The following SMPX variants were observed in gnomAD, a reference collection of about 807,000 sequenced individuals.
SMPX encodes the protein small muscle protein X-linked.
Under a neutral mutation model 6.3 loss-of-function variants are expected in SMPX, and 2 were observed. The ratio of observed to expected loss-of-function variants is 0.32; its 90% CI spans 0.13 to 0.99. The LOEUF (loss-of-function observed/expected upper bound fraction) is 0.99. Ranked by LOEUF, SMPX falls within the 50% of genes least tolerant of loss-of-function variation. The pLI is 0.49. For missense variants in SMPX, 60 were observed against 66.8 expected (o/e 0.90, Z 0.36); for synonymous variants, 32 against 24.7 (o/e 1.30, Z -0.88).
intron 4 of SMPX, among the ~76,000 whole-genome samples, chrX:21,717,043 T>C (rs2092786040): frequency 8.9e-6 from 1 of 111,981 alleles, no homozygotes; most frequent in African/African-American, 3.2e-5. Context: ...GAGTGTACGC[T>C]GTACCTGTTT....
intron 1 of SMPX, among the ~76,000 whole-genome samples, chrX:21,755,206 G>A (rs1484110881): frequency 8.9e-6 from 1 of 112,274 alleles, no homozygotes; most frequent in Admixed American, 9.4e-5. Flanking sequence ...ATGTCAGCAG[G>A]ACCAATTGAA....
chrX:21,707,659 G>C (rs1037108229), intron 4 of SMPX, among the ~76,000 whole-genome samples: 1 of 112,550 alleles, frequency 8.9e-6, no homozygotes, highest in Admixed American at 9.4e-5. Context: ...AGGCAGAAAT[G>C]ATGGTGTACC....
intron 4 of SMPX, chrX:21,733,853 T>C: frequency 3.4e-6 from 1 of 295,491 alleles, no homozygotes; most frequent in East Asian, 1.0e-4. Flanking sequence ...ATCTCTTTGG[T>C]CTCACTAGAC....
Position 21,706,052 on chromosome X carries a change from A to G in SMPX, c.*357T>C, listed in dbSNP as rs1287538301. ...ATAATTTAAAAGGTGAAGAACTAAA[A>G]CGCATTCCAAATATTGACCAAAATA... On this transcript the variant is annotated 3_prime_UTR_variant, in exon 5 of 5. Transcript: ENST00000379494. The G allele has an allele frequency of 9.8e-6, 5 of 509,508 alleles. No individual in the cohort carries two copies. The highest frequency in any genetic ancestry group is 2.3e-5 in the African/African-American group (1 of 43,930). The allele number at this position is 509,508 out of a possible 1,213,427, so 42.0% of individuals were successfully genotyped here.
chrX:21,725,752 G>A (rs2092796227), intron 4 of SMPX, among the ~76,000 whole-genome samples: 1 of 112,259 alleles, frequency 8.9e-6, no homozygotes, highest in Admixed American at 9.4e-5. Flanking sequence ...TCAGGTGATT[G>A]AGAAAGAGAT....
intron 2 of SMPX, among the ~76,000 whole-genome samples, chrX:21,745,473 T>G (rs2092820436): frequency 8.9e-6 from 1 of 112,015 alleles, no homozygotes; most frequent in Non-Finnish European, 1.9e-5. Flanking sequence ...CAATTTTAGT[T>G]GGCACATTTG....
rs2092804090 is a variant in SMPX at position 21,731,545 on chromosome X, A to ATGTGTACACATACACATTATG, written c.*14+6003_*14+6004insCATAATGTGTATGTGTACACA. On this transcript the variant is annotated intron_variant, in intron 4 of 4. Transcript: ENST00000379494. ...GTGTACACATACACATTATGTGTGTATGTGTATATATACACATTATGTGTA... is the reference window on the plus strand; with the variant it reads ...GTGTACACATACACATTATGTGTGTATGTGTACACATACACATTATGTGTGTATATATACACATTATGTGTA... Among the ~76,000 whole-genome samples, 3 of 82,263 alleles carry ATGTGTACACATACACATTATG rather than the reference A, an allele frequency of 3.6e-5. 1 individual carries two copies. Among genetic ancestry groups the ATGTGTACACATACACATTATG allele is most frequent in the Non-Finnish European group, 7.4e-5 (3 of 40,596 alleles). The allele number at this position is 82,263 out of a possible 115,157, so 71.4% of individuals were successfully genotyped here. A position where few individuals can be genotyped will look rare whatever the true frequency, so the allele number is the denominator to read the frequency against.
chrX:21,715,834 G>A (rs1834695863), intron 4 of SMPX, among the ~76,000 whole-genome samples: 1 of 111,539 alleles, frequency 9.0e-6, no homozygotes, highest in Non-Finnish European at 1.9e-5. Flanking sequence ...GTAGAGGCCA[G>A]GGATGCTGCT....
chrX:21,715,309 C>T (rs1227226786), intron 4 of SMPX, among the ~76,000 whole-genome samples: 2 of 96,368 alleles, frequency 2.1e-5, no homozygotes, highest in African/African-American at 1.0e-4. Context: ...TGTGTGCGCG[C>T]ACGCGCGCGC....
intron 2 of SMPX, among the ~76,000 whole-genome samples, chrX:21,744,352 A>C (rs774245295): frequency 9.0e-6 from 1 of 111,609 alleles, no homozygotes; most frequent in Non-Finnish European, 1.9e-5. Context: ...TCTGAAATTG[A>C]CACTCTTCTA....
intron 4 of SMPX, among the ~76,000 whole-genome samples, chrX:21,720,674 C>A (rs752503573): frequency 1.8e-5 from 2 of 111,767 alleles, no homozygotes; most frequent in Non-Finnish European, 3.8e-5. Flanking sequence ...CAGGGTAGGA[C>A]CATATTGCTT....
At chrX:21,748,089 A>G (rs989890592) in intron 2 of SMPX, among the ~76,000 whole-genome samples, 9 of 112,353 alleles carry the variant, frequency 8.0e-5, no homozygotes, top group African/African-American at 2.9e-4. Context: ...AACGGATTAG[A>G]AAATGAGATT....
intron 4 of SMPX, among the ~76,000 whole-genome samples, chrX:21,723,950 G>T (rs2092794375): frequency 8.9e-6 from 1 of 111,991 alleles, no homozygotes; most frequent in Non-Finnish European, 1.9e-5. Context: ...TCTGGGGCAT[G>T]AGCTCCTCTT....
intron 2 of SMPX, among the ~76,000 whole-genome samples, chrX:21,749,845 C>T (rs1339974442): frequency 8.9e-6 from 1 of 112,161 alleles, no homozygotes; most frequent in Non-Finnish European, 1.9e-5. Context: ...AACTGAAGCC[C>T]CTCCCTTTGA....
intron 2 of SMPX, 99 bp from the exon 3 acceptor site, chrX:21,743,935 G>T: frequency 1.6e-6 from 1 of 635,289 alleles, no homozygotes; most frequent in Non-Finnish European, 2.6e-6. Flanking sequence ...CGTCTGAAAA[G>T]TACATCTTCA....
intron 1 of SMPX, among the ~76,000 whole-genome samples, chrX:21,755,503 T>G (rs1319498162): frequency 1.8e-5 from 2 of 112,549 alleles, no homozygotes; most frequent in East Asian, 2.8e-4. Flanking sequence ...TAAAGCATGA[T>G]GCAAATATTC....
rs2092818842 is a variant in SMPX, at chrX:21,743,949, C to A, written c.46-113G>T. ...GCGTCTGAAAAGTACATCTTCAAAG[C>A]TTTTTATCTCAGGAAAATTGCTGTA... On this transcript the variant is annotated intron_variant, in intron 2 of 4. Transcript: ENST00000379494. 1.2e-5 allele frequency: 7 copies of A among 562,191 alleles called. No individual in the cohort carries two copies. The East Asian group carries it at 2.3e-4, about 19-fold the overall frequency. 46.3% of individuals were successfully genotyped at this position (562,191 alleles called of 1,213,427 possible).
intron 2 of SMPX, among the ~76,000 whole-genome samples, chrX:21,751,027 G>A (rs1282764681): frequency 2.7e-5 from 3 of 112,270 alleles, no homozygotes; most frequent in African/African-American, 9.7e-5. Context: ...TTGTCTGGAG[G>A]TGCATTAACT....
At chrX:21,735,942 GT>G (rs2092809978) in intron 4 of SMPX, among the ~76,000 whole-genome samples, 1 of 111,541 alleles carries the variant, frequency 9.0e-6, no homozygotes, top group African/African-American at 3.3e-5. Flanking sequence ...GTAGCAACAA[GT>G]GCATGTAGCC....
Sources: gnomAD v4.1 joint callset for allele counts (sites outside exome capture counted in the v4.1 genomes callset) on GRCh38, gnomAD v4.1.1 for gene constraint, MANE v1.5 for transcripts, NCBI Gene and HGNC (gene_info 2026-07-23, HGNC 2026-07-21) for gene names.